Variants in WDR41 observed in about 807,000 individuals in gnomAD.
WDR41 encodes WD repeat-containing protein 41.
Under a neutral mutation model 69.3 loss-of-function variants are expected in WDR41, and 63 were observed. The ratio of observed to expected loss-of-function variants is 0.91; its 90% CI spans 0.74 to 1.12. WDR41 has a LOEUF of 1.12. Ranked by LOEUF, WDR41 falls within the 50% of genes most tolerant of loss-of-function variation. The pLI, the probability that WDR41 is intolerant of heterozygous loss-of-function variation, is 0.00. For synonymous variants in WDR41, 185 were observed against 192.1 expected (o/e 0.96, Z 0.31); for missense variants, 543 against 534.5 (o/e 1.02, Z -0.16).
chr5:77,509,863 C>T (rs1802171883), intron 1 of WDR41, among the ~76,000 whole-genome samples: 1 of 152,142 alleles, frequency 6.6e-6, no homozygotes, highest in Non-Finnish European at 1.5e-5. Context: ...CTCAACAATG[C>T]TGATTTTAAA....
chr5:77,441,328 C>T (rs1328605741), intron 8 of WDR41, among the ~76,000 whole-genome samples: 2 of 151,960 alleles, frequency 1.3e-5, no homozygotes, highest in East Asian at 1.9e-4. Flanking sequence ...TAGATTAAAA[C>T]ATGAAAGTTA....
intron 1 of WDR41, among the ~76,000 whole-genome samples, chr5:77,568,373 C>T (rs950973541): frequency 6.6e-6 from 1 of 152,144 alleles, no homozygotes; most frequent in Non-Finnish European, 1.5e-5. Context: ...GTAAAGGTTG[C>T]TAAGTCCTTG....
At chr5:77,557,818 A>G (rs1743437693) in intron 1 of WDR41, among the ~76,000 whole-genome samples, 1 of 152,230 alleles carries the variant, frequency 6.6e-6, no homozygotes, top group Admixed American at 6.5e-5. Context: ...AGTAGAATGA[A>G]TAAACTGTGG....
intron 1 of WDR41, among the ~76,000 whole-genome samples, chr5:77,524,259 C>T (rs76732952): frequency 0.094 from 14,346 of 152,078 alleles, 1,424 homozygotes; most frequent in African/African-American, 0.25. Flanking sequence ...CTTAGGTCAG[C>T]ACAACTTGGG....
chr5:77,598,257 G>A (rs533497200), intron 1 of WDR41, among the ~76,000 whole-genome samples: 4 of 152,274 alleles, frequency 2.6e-5, no homozygotes, highest in Admixed American at 2.0e-4. Context: ...CAGTCCATAT[G>A]CTTTGGATAG....
rs533212568 is a variant in WDR41 at position 77,431,360 on chromosome 5, T to C, written c.*1775A>G. On this transcript the variant is annotated 3_prime_UTR_variant, in exon 13 of 13. Transcript: ENST00000296679. ...GACTCGCTGAAGGCTCAGATGATTGTTAGCATTTTTTAGCAATAAAGTATT... is the reference window on the plus strand; with the variant it reads ...GACTCGCTGAAGGCTCAGATGATTGCTAGCATTTTTTAGCAATAAAGTATT... The C allele has an allele frequency of 1.3e-5, 2 of 152,378 alleles. No homozygotes were observed. Among genetic ancestry groups the C allele is most frequent in the South Asian group, 4.1e-4 (2 of 4,852 alleles). The allele number at this position is 152,378 out of a possible 1,614,324, so 9.4% of individuals were successfully genotyped here. A position where few individuals can be genotyped will look rare whatever the true frequency, so the allele number is the denominator to read the frequency against.
In WDR41 at chr5:77,556,061, T is replaced by A. The variant is rs561744835; in HGVS notation, c.42+64418A>T. On this transcript the variant is annotated intron_variant, in intron 1 of 5. Coordinates refer to the WDR41 transcript ENST00000509971. ...AGAACCCAGAACCCAGAAACAGGTTTGATTTTTGACAAAGGTGGTGGGGAA... is the reference window on the plus strand; with the variant it reads ...AGAACCCAGAACCCAGAAACAGGTTAGATTTTTGACAAAGGTGGTGGGGAA... Among the ~76,000 whole-genome samples the A allele has an allele frequency of 4.0e-3, 605 of 151,506 alleles. 6 individuals carry two copies. The highest frequency in any genetic ancestry group is 0.028 in the Middle Eastern group (8 of 290).
At position 77,478,212 on chromosome 5, in the gene WDR41, C is replaced by A. The variant is rs530609876; in HGVS notation, c.167+11245G>T. The stretch of plus-strand genomic sequence containing the variant: ...TTTACCAACCAAAAAGAGTCCAGGA[C>A]CAGATGGATTCACAGCCGAATTCTA... On this transcript the variant is annotated intron_variant, in intron 2 of 12. Transcript: ENST00000296679. Among the ~76,000 whole-genome samples the A allele has an allele frequency of 6.6e-5, 10 of 152,224 alleles. No homozygotes were observed. In the East Asian group the frequency reaches 1.5e-3, roughly 24 times the overall value.
chr5:77,511,576 A>AGGCAAAGAATTTTTCTT (rs1802204188), intron 1 of WDR41, among the ~76,000 whole-genome samples: 1 of 152,184 alleles, frequency 6.6e-6, no homozygotes, highest in Non-Finnish European at 1.5e-5. Context: ...TGAACAACAC[A>AGGCAAAGAATTTTTCTT]GGCAAAGAAT....
intron 12 of WDR41, among the ~76,000 whole-genome samples, chr5:77,434,209 G>A (rs1219497887): frequency 6.6e-6 from 1 of 151,920 alleles, no homozygotes; most frequent in Non-Finnish European, 1.5e-5. Context: ...TACTCGGGAG[G>A]CCGAGGAAAG....
rs186218985 is a variant in WDR41, at chr5:77,466,640, A to T, written c.168-1831T>A. On this transcript the variant is annotated intron_variant, in intron 2 of 12. Coordinates refer to ENST00000296679, the MANE Select transcript of WDR41 (RefSeq NM_018268.4). Reference sequence around the variant, plus strand: ...AGAGTTTAGAAATGGGATATAGAGCATTTAACCTCAAACTTTAATTCAATC... The same window carrying T: ...AGAGTTTAGAAATGGGATATAGAGCTTTTAACCTCAAACTTTAATTCAATC... Among the ~76,000 whole-genome samples the T allele has an allele frequency of 1.3e-3, 194 of 152,082 alleles. 1 individual carries two copies. The highest frequency in any genetic ancestry group is 4.4e-3 in the African/African-American group (184 of 41,574).
Position 77,442,340 on chromosome 5 carries a change from A to C in WDR41, c.698-1343T>G, listed in dbSNP as rs115229839. Among the ~76,000 whole-genome samples the C allele has an allele frequency of 9.1e-3, 1,380 of 152,316 alleles. 24 individuals carry two copies. The highest frequency in any genetic ancestry group is 0.03 in the African/African-American group (1,237 of 41,564). ...TGAAATAGTAATGCTGTTATTAAAA[A>C]TTAAGTTATAAAAGTATGCTTAACA... On this transcript the variant is annotated intron_variant, in intron 8 of 12. Coordinates refer to ENST00000296679, the MANE Select transcript of WDR41 (RefSeq NM_018268.4).
intron 1 of WDR41, among the ~76,000 whole-genome samples, chr5:77,553,405 C>T (rs944571326): frequency 2.6e-5 from 4 of 152,108 alleles, no homozygotes; most frequent in Non-Finnish European, 2.9e-5. Flanking sequence ...TCCAGCTAGG[C>T]ACCAATTCAT....
At chr5:77,498,654 A>G (rs951355538) in intron 1 of WDR41, among the ~76,000 whole-genome samples, 1 of 152,026 alleles carries the variant, frequency 6.6e-6, no homozygotes. Context: ...CCTCATATCT[A>G]TAAAAAGTTT....
chr5:77,607,049 C>T (rs1744436702), intron 1 of WDR41, among the ~76,000 whole-genome samples: 1 of 151,538 alleles, frequency 6.6e-6, no homozygotes, highest in Non-Finnish European at 1.5e-5. Flanking sequence ...ATTAAGAAGA[C>T]AAACCAAGCA....
At chr5:77,528,423 G>A (rs914563126) in intron 1 of WDR41, among the ~76,000 whole-genome samples, 3 of 151,608 alleles carry the variant, frequency 2.0e-5, no homozygotes, top group Admixed American at 6.6e-5. Flanking sequence ...TTCAGGCCAG[G>A]TGGCTTCCCA....
At chr5:77,568,373 C>G (rs950973541) in intron 1 of WDR41, among the ~76,000 whole-genome samples, 5 of 152,144 alleles carry the variant, frequency 3.3e-5, no homozygotes, top group African/African-American at 1.2e-4. Flanking sequence ...GTAAAGGTTG[C>G]TAAGTCCTTG....
chr5:77,602,132 T>C (rs1744333158), intron 1 of WDR41, among the ~76,000 whole-genome samples: 1 of 151,878 alleles, frequency 6.6e-6, no homozygotes, highest in African/African-American at 2.4e-5. Context: ...CTCTGGTATC[T>C]ATCATTCTAC....
At chr5:77,549,487 G>C (rs1468084763) in intron 1 of WDR41, among the ~76,000 whole-genome samples, 1 of 151,682 alleles carries the variant, frequency 6.6e-6, no homozygotes, top group African/African-American at 2.4e-5. Flanking sequence ...GCCAAATCAA[G>C]AACATAATCT....
Sources: allele counts gnomAD v4.1 joint callset (sites outside exome capture counted in the v4.1 genomes callset), GRCh38; gene constraint gnomAD v4.1.1; transcripts MANE v1.5; gene names NCBI Gene and HGNC (gene_info 2026-07-23, HGNC 2026-07-21).